The following USP40 variants were observed in gnomAD, a reference collection of about 807,000 sequenced individuals.
The protein encoded by USP40 is ubiquitin carboxyl-terminal hydrolase 40.
Under a neutral mutation model 166.2 loss-of-function variants are expected in USP40, and 143 were observed. That is an observed-to-expected ratio of 0.86 (90% confidence interval 0.75 to 0.99). The LOEUF (loss-of-function observed/expected upper bound fraction) is 0.99. USP40 is among the 50% of genes least tolerant of loss of function. The pLI, the probability that USP40 is intolerant of heterozygous loss-of-function variation, is 0.00. For synonymous variants in USP40, 498 were observed against 524.0 expected (o/e 0.95, Z 0.68); for missense variants, 1,444 against 1,479.7 (o/e 0.98, Z 0.40).
rs911056789 is a variant in USP40, at chr2:233,510,036, T to A, written c.2613+13A>T. The A allele has an allele frequency of 2.6e-6, 4 of 1,563,496 alleles. No homozygotes were observed. The highest frequency in any genetic ancestry group is 3.5e-6 in the Non-Finnish European group (4 of 1,150,312). On this transcript the variant is annotated intron_variant, in intron 21 of 31. Transcript: ENST00000678225. ...ACACACAGCCTCTGAAAACAAAAGG[T>A]AAAATTACTTACATCTCTCACAGAT...
At chr2:233,566,248 G>T (rs895190463) in intron 1 of USP40, among the ~76,000 whole-genome samples, 17 of 152,120 alleles carry the variant, frequency 1.1e-4, no homozygotes, top group Non-Finnish European at 2.4e-4. Flanking sequence ...TAATCCCATC[G>T]TTAGCCCTGG....
chr2:233,477,138 G>GT lies in USP40; in HGVS notation c.*253dup, dbSNP rs2064219862. ...AAAGGCAGCTGGGGCCGGGTGCTGTGTGAGAGAGCCCAGCACCTACTGGCA... is the reference window on the plus strand; with the variant it reads ...AAAGGCAGCTGGGGCCGGGTGCTGTGTTGAGAGAGCCCAGCACCTACTGGCA... On this transcript the variant is annotated 3_prime_UTR_variant, in exon 32 of 32. Coordinates refer to ENST00000678225, the MANE Select transcript of USP40 (RefSeq NM_001365479.2). 4.0e-6 allele frequency: 2 copies of GT among 506,120 alleles called. No homozygotes were observed. The highest frequency in any genetic ancestry group is 7.2e-6 in the Non-Finnish European group (2 of 276,800). The allele number at this position is 506,120 out of a possible 1,614,324, so 31.4% of individuals were successfully genotyped here. A position where few individuals can be genotyped will look rare whatever the true frequency, so the allele number is the denominator to read the frequency against.
At chr2:233,477,693 G>A (rs895031008) in intron 31 of USP40, among the ~76,000 whole-genome samples, 190 bp from the exon 32 acceptor site, 6 of 152,250 alleles carry the variant, frequency 3.9e-5, no homozygotes, top group Non-Finnish European at 7.3e-5. Context: ...TGCCAGGCCA[G>A]CTGCCTTCCC....
At chr2:233,542,514 A>T (rs1203129765) in intron 8 of USP40, 151 bp from the exon 9 acceptor site, 1 of 554,578 alleles carries the variant, frequency 1.8e-6, no homozygotes, top group African/African-American at 1.9e-5. Context: ...GTTCAAGACC[A>T]GCCTGGGCAA....
intron 24 of USP40, among the ~76,000 whole-genome samples, chr2:233,495,292 A>G (rs1252733664): frequency 1.3e-5 from 2 of 151,984 alleles, no homozygotes; most frequent in South Asian, 4.1e-4. Flanking sequence ...TATGCTATGT[A>G]TATACACATT....
intron 19 of USP40, chr2:233,512,151 G>A (rs2066884027): frequency 5.1e-6 from 1 of 194,992 alleles, no homozygotes; most frequent in Admixed American, 5.9e-5. Context: ...CAAGTTTAAA[G>A]TTGAGATTGT....
chr2:233,557,097 T>G, intron 4 of USP40, 78 bp from the exon 5 acceptor site: 1 of 1,310,086 alleles, frequency 7.6e-7, no homozygotes, highest in Admixed American at 2.3e-5. Flanking sequence ...CATTAGTCAA[T>G]AAAAACTCAA....
At chr2:233,495,248 TAAAA>T (rs1217703484) in intron 24 of USP40, among the ~76,000 whole-genome samples, 2 of 151,650 alleles carry the variant, frequency 1.3e-5, no homozygotes, top group Non-Finnish European at 2.9e-5. Flanking sequence ...TTTGTGCAAA[TAAAA>T]AGGAATAAAT....
chr2:233,527,689 T>G, intron 12 of USP40, 111 bp from the exon 13 acceptor site: 5 of 1,014,488 alleles, frequency 4.9e-6, no homozygotes, highest in Non-Finnish European at 6.8e-6. Flanking sequence ...CCCACCAAAG[T>G]AACAATTTTT....
intron 8 of USP40, chr2:233,546,492 C>T (rs1410962512): frequency 2.0e-5 from 3 of 152,132 alleles, no homozygotes; most frequent in African/African-American, 4.8e-5. Context: ...CTGTAGCAGG[C>T]ATCAAGGAAT....
At chr2:233,516,812 G>A (rs955429827) in intron 18 of USP40, among the ~76,000 whole-genome samples, 2 of 150,960 alleles carry the variant, frequency 1.3e-5, no homozygotes, top group Non-Finnish European at 2.9e-5. Flanking sequence ...AGCCAAGATT[G>A]CTGCCCTGTA....
intron 2 of USP40, 94 bp downstream of exon 2, chr2:233,565,258 ATCTT>A: frequency 1.1e-6 from 1 of 933,092 alleles, no homozygotes; most frequent in Non-Finnish European, 1.6e-6. Context: ...TGTAGAATAT[ATCTT>A]TAAGATAATT....
chr2:233,548,500 A>C (rs2070214428), intron 8 of USP40, among the ~76,000 whole-genome samples: 1 of 152,162 alleles, frequency 6.6e-6, no homozygotes, highest in Admixed American at 6.6e-5. Flanking sequence ...ATAATGGAGT[A>C]ACTGTATAGC....
chr2:233,561,117 T>G, intron 3 of USP40: 1 of 1,548,336 alleles, frequency 6.5e-7, no homozygotes, highest in Non-Finnish European at 8.7e-7. Flanking sequence ...AAAAAAATTT[T>G]CTGAATACGC....
chr2:233,479,561 C>CAAAAAA (rs1295940321), intron 31 of USP40, among the ~76,000 whole-genome samples: 31 of 96,358 alleles, frequency 3.2e-4, no homozygotes, highest in African/African-American at 1.1e-3. Flanking sequence ...GACTCCGTCG[C>CAAAAAA]AAAAAAAAAA....
chr2:233,540,846 C>T (rs2069342649), intron 9 of USP40, 77 bp from the exon 10 acceptor site: 3 of 962,356 alleles, frequency 3.1e-6, no homozygotes, highest in Non-Finnish European at 4.9e-6. Flanking sequence ...AAGAGACCAA[C>T]AGGATTATAC....
chr2:233,478,309 G>C lies in USP40; in HGVS notation c.3600-806C>G, dbSNP rs59738390. ...TTCCACACCCACACACAGGGGATGA[G>C]AGCCCCAGTGACTCTGCGTCCTCAA... On this transcript the variant is annotated intron_variant, in intron 31 of 31. Coordinates refer to ENST00000678225, the MANE Select transcript of USP40 (RefSeq NM_001365479.2). Among the ~76,000 whole-genome samples the C allele has an allele frequency of 8.4e-4, 128 of 152,312 alleles. 2 individuals carry two copies. In the East Asian group the frequency reaches 0.024, roughly 28 times the overall value.
In USP40 at chr2:233,523,428, T is replaced by C; in HGVS notation, c.1943A>G (p.His648Arg). 6.2e-7 allele frequency: 1 copy of C among 1,614,008 alleles called. No homozygotes were observed. Among genetic ancestry groups the C allele is most frequent in the Non-Finnish European group, 8.5e-7 (1 of 1,179,880 alleles). Residue 648 changes from histidine to arginine, a missense_variant, in exon 16 of 32, where the codon CAT (histidine) becomes CGT (arginine). Transcript: ENST00000678225. Reference protein sequence around the residue: ...DCEPLLLNVLHLDTSSDGEKC... With the variant: ...DCEPLLLNVLRLDTSSDGEKC... ...TTCTCCATCACTGCTTGTGTCTAGA[T>C]GAAGAACATTTAAAAGTAGAGGTTC... is the stretch of plus-strand genomic sequence containing the variant.
rs1029660441 is a variant in USP40, at chr2:233,480,023, C to T, written c.3599+1180G>A. Among the ~76,000 whole-genome samples, 4 of 152,184 alleles carry T rather than the reference C, an allele frequency of 2.6e-5. No individual in the cohort carries two copies. Among genetic ancestry groups the T allele is most frequent in the Non-Finnish European group, 4.4e-5 (3 of 68,040 alleles). On this transcript the variant is annotated intron_variant, in intron 31 of 31. Coordinates refer to ENST00000678225, the MANE Select transcript of USP40 (RefSeq NM_001365479.2). The surrounding 1 kb of genome is among the most constrained non-coding windows in gnomAD (Gnocchi z 4.5). Reference sequence around the variant, plus strand: ...CTCCTAGAATCCACTCACCACAAAGCAGCCAGTGATCATGTCAACGCGTCC... The same window carrying T: ...CTCCTAGAATCCACTCACCACAAAGTAGCCAGTGATCATGTCAACGCGTCC...
Sources: allele counts gnomAD v4.1 joint callset (sites outside exome capture counted in the v4.1 genomes callset), GRCh38; gene constraint gnomAD v4.1.1; non-coding constraint Gnocchi (gnomAD v3.1); transcripts MANE v1.5; gene names NCBI Gene and HGNC (gene_info 2026-07-23, HGNC 2026-07-21).